C1orf198: variants seen among roughly 807,000 people sequenced by gnomAD.
C1orf198 encodes the protein chromosome 1 open reading frame 198.
A neutral mutation model predicts 31.4 loss-of-function variants in C1orf198; 17 were observed. The observed-to-expected ratio is 0.54, with a 90% CI of 0.37 to 0.81. C1orf198 has a LOEUF of 0.81. Ranked by LOEUF, C1orf198 falls within the 40% of genes least tolerant of loss-of-function variation. The probability of loss-of-function intolerance (pLI) is 0.00; values close to 1 mark genes in which losing one functional copy is unlikely to be tolerated. For synonymous variants in C1orf198, 175 were observed against 193.8 expected, an observed-to-expected ratio of 0.90 and a Z score of 0.81; for missense variants, 401 against 450.3, an observed-to-expected ratio of 0.89 and a Z score of 0.99.
chr1:230,845,558 T>C (rs926355132), intron 2 of C1orf198, among the ~76,000 whole-genome samples: 1 of 151,990 alleles, frequency 6.6e-6, no homozygotes, highest in Non-Finnish European at 1.5e-5. Flanking sequence ...GGCAGGAGCC[T>C]GTAATCCCAT....
intron 1 of C1orf198, among the ~76,000 whole-genome samples, chr1:230,859,433 G>A (rs559121725): frequency 2.0e-5 from 3 of 152,282 alleles, no homozygotes; most frequent in South Asian, 4.1e-4. Flanking sequence ...CACGACAAGA[G>A]AGTGGGCTTC....
rs547444392 is a variant in C1orf198 at position 230,839,455 on chromosome 1, C to T, written c.*397G>A. 36 of 204,818 alleles carry T rather than the reference C, an allele frequency of 1.8e-4. No homozygotes were observed. Among genetic ancestry groups the T allele is most frequent in the Non-Finnish European group, 2.8e-4 (29 of 105,136 alleles). 12.7% of individuals were successfully genotyped at this position (204,818 alleles called of 1,614,324 possible). ...AATCACCCACCAAAAGGAACCCATA[C>T]GGTAAAAAGCGGAGGGGGGAGGGGG... On this transcript the variant is annotated 3_prime_UTR_variant, in exon 4 of 4. Coordinates refer to ENST00000366663, the MANE Select transcript of C1orf198 (RefSeq NM_032800.3).
intron 2 of C1orf198, among the ~76,000 whole-genome samples, chr1:230,844,293 C>T (rs1669529395): frequency 2.0e-5 from 3 of 151,876 alleles, no homozygotes; most frequent in Non-Finnish European, 1.5e-5. Context: ...GAGATCTGGT[C>T]GTTTAAAAGG....
chr1:230,841,009 C>G (rs1027381742), intron 3 of C1orf198, among the ~76,000 whole-genome samples: 6 of 152,256 alleles, frequency 3.9e-5, no homozygotes, highest in Non-Finnish European at 8.8e-5. Flanking sequence ...ACTGCCCACA[C>G]AGAAACACGT....
At chr1:230,868,885 C>G (rs1164991393), upstream of C1orf198, 1 of 154,214 alleles carries the variant, frequency 6.5e-6, no homozygotes, top group South Asian at 2.1e-4. Context: ...GGTTAATTCC[C>G]GGTAGTGACC....
intron 1 of C1orf198, among the ~76,000 whole-genome samples, chr1:230,863,507 G>A (rs375135540): frequency 2.0e-5 from 3 of 152,292 alleles, no homozygotes; most frequent in East Asian, 1.9e-4. Context: ...CACACCTGTC[G>A]CCATGCTTCC....
intron 2 of C1orf198, among the ~76,000 whole-genome samples, chr1:230,855,396 G>A (rs1056644147): frequency 2.6e-5 from 4 of 152,168 alleles, no homozygotes; most frequent in African/African-American, 9.7e-5. Flanking sequence ...AGCTGGCCGG[G>A]AGTCCTAGAC....
intron 1 of C1orf198, among the ~76,000 whole-genome samples, chr1:230,862,595 T>G (rs1419111560): frequency 6.6e-6 from 1 of 152,164 alleles, no homozygotes; most frequent in East Asian, 1.9e-4. Context: ...TATCACTAAG[T>G]GAAAGAAGCC....
At chr1:230,855,591 C>T (rs1019853572) in intron 2 of C1orf198, 77 bp downstream of exon 2, 2 of 1,513,434 alleles carry the variant, frequency 1.3e-6, no homozygotes, top group African/African-American at 1.4e-5. Context: ...CTGAGTCCAT[C>T]AAATGCTGAA....
At chr1:230,844,889 T>G (rs1669545990) in intron 2 of C1orf198, among the ~76,000 whole-genome samples, 1 of 152,224 alleles carries the variant, frequency 6.6e-6, no homozygotes, top group African/African-American at 2.4e-5. Flanking sequence ...ATGACACTGC[T>G]GAGCTGTTTT....
chr1:230,847,484 C>A (rs879327779), intron 2 of C1orf198, among the ~76,000 whole-genome samples: 1 of 152,124 alleles, frequency 6.6e-6, no homozygotes, highest in Non-Finnish European at 1.5e-5. Context: ...GATTGTGCAG[C>A]TGGGATTTCA....
chr1:230,861,380 AT>A lies in C1orf198; in HGVS notation c.334-5663del, dbSNP rs1273238520. ...AACCTAAAACTACTGTAAAAACTGA[AT>A]TTTTTTAAAGTGTGCCCCCCCCAAA... On this transcript the variant is annotated intron_variant, in intron 1 of 3. Coordinates refer to ENST00000366663, the MANE Select transcript of C1orf198 (RefSeq NM_032800.3). Among the ~76,000 whole-genome samples, 17 of 152,232 alleles carry A rather than the reference AT, an allele frequency of 1.1e-4. No individual in the cohort carries two copies. In the South Asian group the frequency reaches 1.9e-3, roughly 17 times the overall value.
upstream of C1orf198, chr1:230,868,738 C>T: frequency 1.6e-5 from 3 of 186,526 alleles, no homozygotes; most frequent in Non-Finnish European, 3.2e-5. Flanking sequence ...CACCCCCTCG[C>T]GGACCCCACG....
intron 1 of C1orf198, among the ~76,000 whole-genome samples, chr1:230,866,119 G>C (rs1432078673): frequency 6.6e-6 from 1 of 152,198 alleles, no homozygotes; most frequent in African/African-American, 2.4e-5. Context: ...CTGTGCCCAG[G>C]AGCTGGCCCT....
At chr1:230,851,364 G>A (rs1669738528) in intron 2 of C1orf198, among the ~76,000 whole-genome samples, 1 of 152,074 alleles carries the variant, frequency 6.6e-6, no homozygotes, top group African/African-American at 2.4e-5. Context: ...AACCAAGGCT[G>A]GGGATGGGGT....
intron 1 of C1orf198, among the ~76,000 whole-genome samples, chr1:230,859,644 C>T (rs1669964507): frequency 6.6e-6 from 1 of 152,074 alleles, no homozygotes; most frequent in Non-Finnish European, 1.5e-5. Flanking sequence ...GAGCACTTGG[C>T]AATTATCAGA....
intron 2 of C1orf198, among the ~76,000 whole-genome samples, chr1:230,853,860 G>A (rs1669803557): frequency 6.6e-6 from 1 of 152,200 alleles, no homozygotes; most frequent in South Asian, 2.1e-4. Flanking sequence ...GCACAAGTGT[G>A]ATTCAAGTGG....
chr1:230,853,235 T>C (rs889241029), intron 2 of C1orf198, among the ~76,000 whole-genome samples: 1 of 152,182 alleles, frequency 6.6e-6, no homozygotes, highest in Admixed American at 6.5e-5. Context: ...AAGTTTGTTA[T>C]GCATCTATAG....
intron 1 of C1orf198, among the ~76,000 whole-genome samples, chr1:230,866,856 C>A (rs1670132376): frequency 6.6e-6 from 1 of 152,310 alleles, no homozygotes; most frequent in African/African-American, 2.4e-5. Flanking sequence ...CCCCAGTTTA[C>A]CACACCCTTG....
Sources: allele counts gnomAD v4.1 joint callset (sites outside exome capture counted in the v4.1 genomes callset), GRCh38; gene constraint gnomAD v4.1.1; transcripts MANE v1.5; gene names NCBI Gene and HGNC (gene_info 2026-07-23, HGNC 2026-07-21).